Variants in NEGR1 observed in about 807,000 individuals in gnomAD.
NEGR1 encodes neuronal growth regulator 1.
In NEGR1, 10 loss-of-function variants were observed where a neutral mutation model predicts 40.9. The ratio of observed to expected loss-of-function variants is 0.24; its 90% CI spans 0.15 to 0.42. NEGR1 has a LOEUF of 0.42. NEGR1 is among the 10% of genes least tolerant of loss of function. The pLI is 1.00. For synonymous variants in NEGR1, 185 were observed against 166.8 expected, an observed-to-expected ratio of 1.11 and a Z score of -0.84; for missense variants, 352 against 438.9, an observed-to-expected ratio of 0.80 and a Z score of 1.77.
At chr1:72,076,278 C>T (rs533703246) in intron 1 of NEGR1, among the ~76,000 whole-genome samples, 7 of 152,154 alleles carry the variant, frequency 4.6e-5, no homozygotes, top group African/African-American at 1.4e-4. Flanking sequence ...ATAAAAGAGA[C>T]CCTGGAGAGT....
At chr1:71,521,686 A>G (rs1171512379) in intron 6 of NEGR1, among the ~76,000 whole-genome samples, 1 of 152,044 alleles carries the variant, frequency 6.6e-6, no homozygotes, top group Non-Finnish European at 1.5e-5. Flanking sequence ...CAGTTTCAAT[A>G]TGTTACCATT....
intron 4 of NEGR1, among the ~76,000 whole-genome samples, chr1:71,635,219 C>T (rs1449749399): frequency 1.3e-5 from 2 of 152,004 alleles, no homozygotes; most frequent in Non-Finnish European, 2.9e-5. Flanking sequence ...AAGGGAGATA[C>T]ACATTAATTA....
At chr1:71,923,986 G>A (rs926982117) in intron 2 of NEGR1, among the ~76,000 whole-genome samples, 2 of 151,282 alleles carry the variant, frequency 1.3e-5, no homozygotes, top group Admixed American at 6.6e-5. Flanking sequence ...ACCACTCACT[G>A]TAGCCTCCAC....
At chr1:72,197,029 A>G (rs1172212056) in intron 1 of NEGR1, among the ~76,000 whole-genome samples, 1 of 151,970 alleles carries the variant, frequency 6.6e-6, no homozygotes, top group Non-Finnish European at 1.5e-5. Context: ...CTATTTCAGT[A>G]GAATATTCCA....
chr1:71,852,428 A>G (rs555216711), intron 2 of NEGR1, among the ~76,000 whole-genome samples: 4 of 152,266 alleles, frequency 2.6e-5, no homozygotes, highest in African/African-American at 7.2e-5. Flanking sequence ...CCATATTTCA[A>G]TATGAAAAAT....
chr1:71,971,241 A>T (rs547470873), intron 1 of NEGR1, among the ~76,000 whole-genome samples: 11 of 152,244 alleles, frequency 7.2e-5, no homozygotes, highest in African/African-American at 2.6e-4. Context: ...CTGATTTCTG[A>T]TTTCTAGTCT....
intron 6 of NEGR1, among the ~76,000 whole-genome samples, chr1:71,500,363 T>C (rs188958882): frequency 2.4e-4 from 37 of 152,166 alleles, no homozygotes; most frequent in Non-Finnish European, 4.4e-4. Context: ...TATTTTATCT[T>C]AGTCTGAACT....
chr1:71,754,457 G>C (rs1227314597), intron 3 of NEGR1, among the ~76,000 whole-genome samples: 1 of 151,916 alleles, frequency 6.6e-6, no homozygotes, highest in South Asian at 2.1e-4. Flanking sequence ...CTTAAGTTGG[G>C]GAGGCAGTTT....
intron 1 of NEGR1, among the ~76,000 whole-genome samples, chr1:72,116,676 G>T (rs1373433424): frequency 6.6e-6 from 1 of 151,482 alleles, no homozygotes; most frequent in African/African-American, 2.4e-5. Context: ...TATTTATTCT[G>T]ACTTACAGGT....
chr1:72,068,921 G>T (rs996568086), intron 1 of NEGR1, among the ~76,000 whole-genome samples: 24 of 151,962 alleles, frequency 1.6e-4, no homozygotes, highest in African/African-American at 5.8e-4. Context: ...TTAATAGGAA[G>T]AAAAAATTAA....
chr1:71,949,991 G>A (rs948399173), intron 1 of NEGR1, among the ~76,000 whole-genome samples: 2 of 151,988 alleles, frequency 1.3e-5, no homozygotes, highest in East Asian at 1.9e-4. Context: ...TAAAGAGGCC[G>A]TATAAAGAAA....
intron 4 of NEGR1, among the ~76,000 whole-genome samples, chr1:71,659,037 G>A (rs920657746): frequency 6.6e-6 from 1 of 152,172 alleles, no homozygotes; most frequent in African/African-American, 2.4e-5. Context: ...ATTGGAGGAA[G>A]CGGACCTCAT....
At position 71,700,313 on chromosome 1, in the gene NEGR1, C is replaced by T. The variant is rs183661479; in HGVS notation, c.536-2174G>A. Among the ~76,000 whole-genome samples the T allele has an allele frequency of 9.9e-5, 15 of 151,956 alleles. No homozygotes were observed. In the East Asian group the frequency reaches 2.7e-3, roughly 27 times the overall value. ...AAAGAGCCCAGTGACACATATGAAA[C>T]CCAGAACTAACTTAAAAACCTACAT... On this transcript the variant is annotated intron_variant, in intron 3 of 6. Transcript: ENST00000357731.
intron 1 of NEGR1, among the ~76,000 whole-genome samples, chr1:72,201,699 A>C (rs1370308346): frequency 6.6e-6 from 1 of 151,854 alleles, no homozygotes. Flanking sequence ...TCTTAGAATC[A>C]GTGAAATTCA....
chr1:71,946,272 A>G (rs1290577457), intron 1 of NEGR1, among the ~76,000 whole-genome samples: 4 of 152,026 alleles, frequency 2.6e-5, no homozygotes, highest in Non-Finnish European at 5.9e-5. Flanking sequence ...GACAGGGTCT[A>G]TTATGTTGCC....
At chr1:71,888,524 C>A (rs905794258) in intron 2 of NEGR1, among the ~76,000 whole-genome samples, 1 of 151,408 alleles carries the variant, frequency 6.6e-6, no homozygotes, top group African/African-American at 2.4e-5. Flanking sequence ...TAAAAAACGG[C>A]GCACCACGAG....
At chr1:72,100,610 C>T (rs1648896872) in intron 1 of NEGR1, 1 of 152,150 alleles carries the variant, frequency 6.6e-6, no homozygotes, top group Non-Finnish European at 1.5e-5. Flanking sequence ...ATCACATGCA[C>T]ATAAAACAGT....
At chr1:71,656,405 G>GTT (rs1169738391) in intron 4 of NEGR1, among the ~76,000 whole-genome samples, 3 of 151,682 alleles carry the variant, frequency 2.0e-5, no homozygotes, top group African/African-American at 7.3e-5. Context: ...GTTTGTTTTT[G>GTT]TTTTTTGTTG....
At chr1:71,720,927 A>G (rs998827406) in intron 3 of NEGR1, among the ~76,000 whole-genome samples, 12 of 152,162 alleles carry the variant, frequency 7.9e-5, no homozygotes, top group Non-Finnish European at 1.5e-4. Context: ...CAATGAGGCC[A>G]ATAATCATTT....
Sources: allele counts gnomAD v4.1 joint callset (sites outside exome capture counted in the v4.1 genomes callset), GRCh38; gene constraint gnomAD v4.1.1; transcripts MANE v1.5; gene names NCBI Gene and HGNC (gene_info 2026-07-23, HGNC 2026-07-21).